The following INTS6 variants were observed in gnomAD, a reference collection of about 807,000 sequenced individuals.
The protein encoded by INTS6 is integrator complex subunit 6.
A neutral mutation model predicts 104.9 loss-of-function variants in INTS6; 16 were observed. That is an observed-to-expected ratio of 0.15 (90% CI 0.10 to 0.23). INTS6 has a LOEUF of 0.23. Among genes scored for constraint, INTS6 ranks in the 10% least tolerant of loss-of-function variants. The pLI is 1.00. For missense variants in INTS6, 584 were observed against 1,062.8 expected, an observed-to-expected ratio of 0.55 and a Z score of 6.26; for synonymous variants, 324 against 358.7, an observed-to-expected ratio of 0.90 and a Z score of 1.09.
chr13:51,438,265 G>A (rs1352578275), intron 3 of INTS6: 2 of 151,456 alleles, frequency 1.3e-5, no homozygotes, highest in African/African-American at 2.4e-5. Context: ...ACCTTCCCAA[G>A]TGTTTATAGA....
At chr13:51,397,292 T>A (rs963168515) in intron 4 of INTS6, among the ~76,000 whole-genome samples, 10 of 152,200 alleles carry the variant, frequency 6.6e-5, no homozygotes, top group African/African-American at 2.2e-4. Flanking sequence ...AGAGTTTTCC[T>A]AGTGAAGCTA....
chr13:51,382,905 T>TC (rs1956078770), intron 9 of INTS6, among the ~76,000 whole-genome samples: 1 of 151,880 alleles, frequency 6.6e-6, no homozygotes, highest in Non-Finnish European at 1.5e-5. Flanking sequence ...GGTGAAACCC[T>TC]GTCTCTACTA....
At chr13:51,439,275 G>A (rs1952749578) in intron 3 of INTS6, 1 of 152,192 alleles carries the variant, frequency 6.6e-6, no homozygotes, top group African/African-American at 2.4e-5. Context: ...ATAGAAGGAA[G>A]ATGTCAACAT....
rs988175015 is a variant in INTS6, at chr13:51,452,819, G to A, written c.-294C>T. The A allele has an allele frequency of 1.7e-6, 2 of 1,174,800 alleles. No homozygotes were observed. Among genetic ancestry groups the A allele is most frequent in the African/African-American group, 3.3e-5 (2 of 60,696 alleles). The allele number at this position is 1,174,800 out of a possible 1,614,324, so 72.8% of individuals were successfully genotyped here. On this transcript the variant is annotated 5_prime_UTR_variant, in exon 1 of 18. Transcript: ENST00000311234. This position sits in a 1 kb window ranked among gnomAD's most constrained non-coding sequence, Gnocchi z 4.2. ...CTGTCGGTTCGTCCCCCCCGCCTCG[G>A]GGGTCCCGTCCCCGCTCCCGGCCCC...
chr13:51,372,508 A>G (rs1197700711), intron 15 of INTS6, among the ~76,000 whole-genome samples: 1 of 151,926 alleles, frequency 6.6e-6, no homozygotes, highest in African/African-American at 2.4e-5. Context: ...CCTTGGTGAG[A>G]TTTTATTCAG....
chr13:51,441,106 T>C (rs1952789603), intron 3 of INTS6: 1 of 152,178 alleles, frequency 6.6e-6, no homozygotes, highest in Admixed American at 6.5e-5. Context: ...CACAATTCTA[T>C]GGATGAGAAA....
the INTS6 span, chr13:51,347,222 G>A: frequency 8.7e-6 from 14 of 1,613,622 alleles, no homozygotes; most frequent in Middle Eastern, 1.6e-4. Context: ...CCAAACGACC[G>A]AGGTCAACTA....
At chr13:51,425,657 T>C (rs1256616086) in intron 4 of INTS6, among the ~76,000 whole-genome samples, 2 of 152,144 alleles carry the variant, frequency 1.3e-5, no homozygotes, top group Non-Finnish European at 2.9e-5. Context: ...TCATTAGCCA[T>C]GTGTTCCTGG....
At chr13:51,376,916 T>C (rs1955943635) in intron 12 of INTS6, among the ~76,000 whole-genome samples, 1 of 152,208 alleles carries the variant, frequency 6.6e-6, no homozygotes, top group Admixed American at 6.5e-5. Flanking sequence ...AATGCTGCCA[T>C]GTTGGCATGC....
chr13:51,450,215 TG>T (rs1289343770), intron 3 of INTS6: 1 of 984,868 alleles, frequency 1.0e-6, no homozygotes, highest in Non-Finnish European at 1.2e-6. Context: ...CTTTGTTACA[TG>T]TAACATTATA....
intron 4 of INTS6, among the ~76,000 whole-genome samples, chr13:51,414,431 T>C (rs1031667618): frequency 6.6e-6 from 1 of 152,202 alleles, no homozygotes; most frequent in African/African-American, 2.4e-5. Context: ...TTGTTTTTCT[T>C]TGTTGCAGAA....
chr13:51,386,359 G>A (rs969963277), intron 7 of INTS6, among the ~76,000 whole-genome samples: 1 of 152,050 alleles, frequency 6.6e-6, no homozygotes, highest in Non-Finnish European at 1.5e-5. Flanking sequence ...TATCTGTTCT[G>A]TAAGAGTTGA....
chr13:51,381,216 C>A (rs1012116009), intron 10 of INTS6, among the ~76,000 whole-genome samples: 6 of 152,128 alleles, frequency 3.9e-5, no homozygotes, highest in African/African-American at 1.4e-4. Context: ...CTTTTGGTGT[C>A]CACAGGTGAG....
intron 4 of INTS6, among the ~76,000 whole-genome samples, chr13:51,407,130 C>T (rs1420679453): frequency 6.6e-6 from 1 of 151,734 alleles, no homozygotes; most frequent in African/African-American, 2.4e-5. Context: ...TGGTACAATC[C>T]TCTTTTCTAT....
chr13:51,398,210 A>G (rs1287893536), intron 4 of INTS6, among the ~76,000 whole-genome samples: 1 of 152,166 alleles, frequency 6.6e-6, no homozygotes, highest in Non-Finnish European at 1.5e-5. Context: ...AGGAGGATTG[A>G]CTTACTCCAG....
At chr13:51,425,850 A>C (rs1256878819) in intron 4 of INTS6, among the ~76,000 whole-genome samples, 1 of 152,118 alleles carries the variant, frequency 6.6e-6, no homozygotes, top group African/African-American at 2.4e-5. Flanking sequence ...TATCAACATC[A>C]ACGGTAACTA....
intron 12 of INTS6, among the ~76,000 whole-genome samples, chr13:51,376,502 T>A (rs1955933395): frequency 6.6e-6 from 1 of 152,212 alleles, no homozygotes; most frequent in Admixed American, 6.5e-5. Context: ...ACAGCTTTGA[T>A]GTGTAATTTA....
At chr13:51,355,061 AT>A (rs765431401) in intron 3 of INTS6, 266 of 1,539,142 alleles carry the variant, frequency 1.7e-4, no homozygotes, top group Non-Finnish European at 2.3e-4. Context: ...TCCAAAATCA[AT>A]TCAACTTAAA....
the INTS6 span, among the ~76,000 whole-genome samples, chr13:51,342,752 A>G: frequency 2.6e-5 from 4 of 152,166 alleles, no homozygotes; most frequent in Non-Finnish European, 4.4e-5. Flanking sequence ...AAGTGTTTCA[A>G]TTCTTCTCTG....
Sources: allele counts gnomAD v4.1 joint callset (sites outside exome capture counted in the v4.1 genomes callset), GRCh38; gene constraint gnomAD v4.1.1; non-coding constraint Gnocchi (gnomAD v3.1); transcripts MANE v1.5; gene names NCBI Gene and HGNC (gene_info 2026-07-23, HGNC 2026-07-21).